Variants in PRKCB observed in about 807,000 individuals in gnomAD.
PRKCB encodes protein kinase C beta type.
PRKCB carries 13 observed loss-of-function variants against 81.5 expected under a neutral mutation model. The ratio of observed to expected loss-of-function variants is 0.16; its 90% confidence interval spans 0.10 to 0.25. The LOEUF is 0.25. Among genes scored for constraint, PRKCB ranks in the 10% least tolerant of loss-of-function variants. PRKCB has a pLI of 1.00. For synonymous variants in PRKCB, 335 were observed against 321.4 expected, an observed-to-expected ratio of 1.04 and a Z score of -0.45; for missense variants, 509 against 875.7, an observed-to-expected ratio of 0.58 and a Z score of 5.29.
intron 9 of PRKCB, among the ~76,000 whole-genome samples, chr16:24,134,641 C>G (rs1288917854): frequency 1.3e-5 from 2 of 151,992 alleles, no homozygotes; most frequent in African/African-American, 4.8e-5. Flanking sequence ...CCCAGCTACT[C>G]AAGAGGCTGA....
At chr16:23,898,152 G>A (rs984467019) in intron 2 of PRKCB, among the ~76,000 whole-genome samples, 6 of 150,476 alleles carry the variant, frequency 4.0e-5, no homozygotes, top group Admixed American at 1.3e-4. Context: ...TGCAAGCTCC[G>A]CCTCCCAGGT....
chr16:24,214,474 G>A (rs1286139691), intron 16 of PRKCB, among the ~76,000 whole-genome samples, 184 bp from the exon 17 acceptor site: 1 of 152,052 alleles, frequency 6.6e-6, no homozygotes, highest in Non-Finnish European at 1.5e-5. Context: ...TGCACCAAAG[G>A]TCATGAGAAT....
At position 24,214,912 on chromosome 16, in the gene PRKCB, T is replaced by C. The variant is rs1325600481; in HGVS notation, c.*96T>C. ...GTTTTTCATTGCCAAGTTGCATCCA[T>C]GTTTGATTTTCTGATGAGACTAGAG... On this transcript the variant is annotated 3_prime_UTR_variant, in exon 17 of 17. Coordinates refer to ENST00000643927, the MANE Select transcript of PRKCB (RefSeq NM_002738.7). 6.4e-7 allele frequency: 1 copy of C among 1,552,948 alleles called. No individual in the cohort carries two copies. Among genetic ancestry groups the C allele is most frequent in the Non-Finnish European group, 8.7e-7 (1 of 1,153,392 alleles).
At chr16:24,071,436 TAAAAAA>T (rs398042091) in intron 5 of PRKCB, among the ~76,000 whole-genome samples, 712 of 57,284 alleles carry the variant, frequency 0.012, 9 homozygotes, top group African/African-American at 0.038. Flanking sequence ...AGACCCTGTC[TAAAAAA>T]AAAAAAAAAA....
chr16:23,843,488 C>T (rs1962303411), intron 2 of PRKCB, among the ~76,000 whole-genome samples: 1 of 151,830 alleles, frequency 6.6e-6, no homozygotes, highest in Admixed American at 6.6e-5. Flanking sequence ...ATGTCCCAAT[C>T]GAAATAAGAA....
intron 3 of PRKCB, among the ~76,000 whole-genome samples, chr16:24,026,456 A>T (rs1252065587): frequency 6.6e-6 from 1 of 152,170 alleles, no homozygotes; most frequent in Admixed American, 6.5e-5. Context: ...TGTCTTGGAG[A>T]TCGCTCAAGA....
At chr16:24,032,886 G>T (rs1477771339) in intron 4 of PRKCB, among the ~76,000 whole-genome samples, 1 of 152,240 alleles carries the variant, frequency 6.6e-6, no homozygotes, top group Non-Finnish European at 1.5e-5. Context: ...GGGCATTTCT[G>T]CAGCCATGCA....
At chr16:24,156,373 C>T (rs1454765253) in intron 10 of PRKCB, among the ~76,000 whole-genome samples, 1 of 152,076 alleles carries the variant, frequency 6.6e-6, no homozygotes, top group East Asian at 1.9e-4. Context: ...CTCCCATGCT[C>T]AAGTGATCTT....
intron 4 of PRKCB, among the ~76,000 whole-genome samples, chr16:24,033,920 C>G (rs56374842): frequency 0.024 from 3,661 of 151,916 alleles, 58 homozygotes; most frequent in Middle Eastern, 0.048. Context: ...CAGAGAGACA[C>G]AGTTGGAGAA....
intron 7 of PRKCB, among the ~76,000 whole-genome samples, chr16:24,111,721 C>A (rs1596553123): frequency 6.6e-6 from 1 of 152,012 alleles, no homozygotes; most frequent in African/African-American, 2.4e-5. Context: ...TTGTTTGAGC[C>A]CAGGAGGTCA....
intron 5 of PRKCB, among the ~76,000 whole-genome samples, chr16:24,054,047 A>G (rs1181992981): frequency 6.6e-6 from 1 of 152,210 alleles, no homozygotes; most frequent in African/African-American, 2.4e-5. Flanking sequence ...ATCACTGCTC[A>G]CTGCAGCCTC....
intron 5 of PRKCB, among the ~76,000 whole-genome samples, chr16:24,091,634 G>A (rs548233807): frequency 2.7e-5 from 4 of 150,908 alleles, no homozygotes; most frequent in South Asian, 2.1e-4. Flanking sequence ...TTTTTTTGAC[G>A]GAGTCTCACT....
chr16:24,215,176 AATTGG>A lies in PRKCB; in HGVS notation c.*363_*367del. 1 of 1,039,002 alleles carries A rather than the reference AATTGG, an allele frequency of 9.6e-7. No individual in the cohort carries two copies. Among genetic ancestry groups the A allele is most frequent in the South Asian group, 3.6e-5 (1 of 27,398 alleles). 64.4% of individuals were successfully genotyped at this position (1,039,002 alleles called of 1,614,324 possible). ...ACCCCCAACCATCCAATCTGTGGAT[AATTGG>A]ATGTTAGCGGTACTCTTCCACTTCC... On this transcript the variant is annotated 3_prime_UTR_variant, in exon 17 of 17. Transcript: ENST00000643927.
chr16:23,956,614 A>G (rs1168654941), intron 2 of PRKCB, among the ~76,000 whole-genome samples: 1 of 152,214 alleles, frequency 6.6e-6, no homozygotes, highest in Non-Finnish European at 1.5e-5. Context: ...GTTGTAATAG[A>G]TATTGCTAAA....
At chr16:24,073,265 A>C (rs1164356639) in intron 5 of PRKCB, among the ~76,000 whole-genome samples, 1 of 152,046 alleles carries the variant, frequency 6.6e-6, no homozygotes, top group African/African-American at 2.4e-5. Context: ...ATTTGTAAGA[A>C]CCTCTCCTAA....
chr16:24,114,218 G>T (rs1966711144), intron 8 of PRKCB, among the ~76,000 whole-genome samples: 1 of 144,090 alleles, frequency 6.9e-6, no homozygotes, highest in Non-Finnish European at 1.5e-5. Context: ...GCAGTGCAAT[G>T]GTGCGATCTC....
chr16:24,151,871 G>A (rs1411964550), intron 9 of PRKCB: 4 of 455,510 alleles, frequency 8.8e-6, no homozygotes, highest in Non-Finnish European at 1.8e-5. Flanking sequence ...TGACACAGAT[G>A]TAGGATGTCC....
chr16:23,926,241 A>T (rs13338431), intron 2 of PRKCB, among the ~76,000 whole-genome samples: 9 of 151,602 alleles, frequency 5.9e-5, no homozygotes, highest in South Asian at 2.1e-4. Context: ...ACTGCCCCCC[A>T]GCCTGGGTGA....
chr16:24,127,420 A>C (rs923131837), intron 9 of PRKCB, among the ~76,000 whole-genome samples: 1 of 152,206 alleles, frequency 6.6e-6, no homozygotes, highest in Non-Finnish European at 1.5e-5. Flanking sequence ...CTGACCACTT[A>C]CTGCTACTGC....
Sources: allele counts gnomAD v4.1 joint callset (sites outside exome capture counted in the v4.1 genomes callset), GRCh38; gene constraint gnomAD v4.1.1; transcripts MANE v1.5; gene names NCBI Gene and HGNC (gene_info 2026-07-23, HGNC 2026-07-21).